Variants in FHIP1B observed in about 807,000 individuals in gnomAD.
FHIP1B encodes the protein FHF complex subunit HOOK interacting protein 1B, also known as FHF complex subunit HOOK-interacting protein 1B.
A neutral mutation model predicts 82.2 loss-of-function variants in FHIP1B; 28 were observed. That is an observed-to-expected ratio of 0.34 (90% CI 0.25 to 0.47). The LOEUF (loss-of-function observed/expected upper bound fraction) is 0.47. Among genes scored for constraint, FHIP1B ranks in the 20% least tolerant of loss-of-function variants. The pLI is 1.00. For missense variants in FHIP1B, 1,110 were observed against 1,262.6 expected, an observed-to-expected ratio of 0.88 and a Z score of 1.83; for synonymous variants, 585 against 516.1, an observed-to-expected ratio of 1.13 and a Z score of -1.81.
chr11:6,218,856 G>C (rs1842355914), intron 7 of FHIP1B, 93 bp from the exon 8 acceptor site: 1 of 1,568,548 alleles, frequency 6.4e-7, no homozygotes, highest in South Asian at 1.1e-5. Context: ...GCATGGTTAA[G>C]CCAGGCTCCA....
rs1184584830 is a variant in FHIP1B, at chr11:6,217,576, T to C, written c.2010A>G (p.Gly670=). The C allele has an allele frequency of 6.2e-7, 1 of 1,612,196 alleles. No homozygotes were observed. Among genetic ancestry groups the C allele is most frequent in the Non-Finnish European group, 8.5e-7 (1 of 1,179,036 alleles). Residue 670 remains glycine, a synonymous_variant, in exon 9 of 12, where the codon GGA becomes GGG. Coordinates refer to ENST00000449352, the MANE Select transcript of FHIP1B (RefSeq NM_001098794.2). ...LLEGISEGMA[G]LEGFGQELRE... is the part of the protein sequence containing the mutation. ...GGAGCTCCTGCCCAAAGCCCTCTAG[T>C]CCTGCCATGCCCTCGGAGATGCCCT...
chr11:6,211,770 C>T lies in FHIP1B; in HGVS notation c.2655G>A (p.Gly885=), dbSNP rs201771314. Residue 885 remains glycine (G), a synonymous_variant, in exon 12 of 12, where the codon GGG becomes GGA. Transcript: ENST00000449352. ...RQAAQLVLQP[G]RDGAGLGLSG... ...TTAGGCCAAGTCCTGCTCCGTCTCG[C>T]CCAGGCTGAAGGACCAATTGTGCCG... 71 of 1,614,068 alleles carry T rather than the reference C, an allele frequency of 4.4e-5. No individual in the cohort carries two copies. The Middle Eastern group carries it at 9.9e-4, about 22-fold the overall frequency.
chr11:6,219,637 T>C (rs1847351261), intron 6 of FHIP1B, among the ~76,000 whole-genome samples: 1 of 152,110 alleles, frequency 6.6e-6, no homozygotes, highest in Non-Finnish European at 1.5e-5. Context: ...AAAAAGTAGG[T>C]GGGTCAAGAT....
intron 6 of FHIP1B, among the ~76,000 whole-genome samples, chr11:6,222,182 C>T (rs1393890429): frequency 1.3e-5 from 2 of 152,118 alleles, no homozygotes; most frequent in Non-Finnish European, 2.9e-5. Flanking sequence ...AGTAGCAAAA[C>T]CTATAGTCAT....
Position 6,211,461 on chromosome 11 carries a change from C to T in FHIP1B, c.*45G>A, listed in dbSNP as rs557522108. 1.3e-6 allele frequency: 2 copies of T among 1,526,438 alleles called. No individual in the cohort carries two copies. Among genetic ancestry groups the T allele is most frequent in the East Asian group, 4.5e-5 (2 of 44,024 alleles). The allele number at this position is 1,526,438 out of a possible 1,614,324, so 94.6% of individuals were successfully genotyped here. On this transcript the variant is annotated 3_prime_UTR_variant, in exon 12 of 12. Transcript: ENST00000449352. Reference sequence around the variant, plus strand: ...ACATAAAAAGGAGCCTGTGCCCTAGCCCCAGCCCGGGCCACCCATGGCCCT... The same window carrying T: ...ACATAAAAAGGAGCCTGTGCCCTAGTCCCAGCCCGGGCCACCCATGGCCCT...
At position 6,211,522 on chromosome 11, in the gene FHIP1B, C is replaced by A; in HGVS notation, c.2903G>T (p.Gly968Val). ...GGAAGAAAGTTAAGGATTGAGGGGC[C>A]CACAGCCTGAGATGAGAGGGCCAGA... ...EGSGPLISGC[G>V]PLNP The change falls in exon 12 of 12, where the codon GGG (glycine) becomes GTG (valine). Residue 968 changes from glycine to valine, a missense_variant. Physicochemically the swap from Gly to Val is moderately radical, Grantham distance 109. Transcript: ENST00000449352. The A allele has an allele frequency of 6.2e-7, 1 of 1,601,958 alleles. No individual in the cohort carries two copies. The highest frequency in any genetic ancestry group is 8.5e-7 in the Non-Finnish European group (1 of 1,174,830).
intron 9 of FHIP1B, among the ~76,000 whole-genome samples, chr11:6,215,554 A>G (rs573583816): frequency 6.6e-6 from 1 of 152,256 alleles, no homozygotes; most frequent in African/African-American, 2.4e-5. Context: ...ATTTAAAGTT[A>G]GGGAAAAAAA....
chr11:6,227,504 A>G (rs536523307), intron 1 of FHIP1B, among the ~76,000 whole-genome samples: 2 of 152,240 alleles, frequency 1.3e-5, no homozygotes, highest in Non-Finnish European at 2.9e-5. Flanking sequence ...CTAGAAACAC[A>G]TAAGAAGGGG....
chr11:6,234,265 G>T (rs927974993), intron 1 of FHIP1B, among the ~76,000 whole-genome samples: 1 of 151,748 alleles, frequency 6.6e-6, no homozygotes, highest in African/African-American at 2.4e-5. Flanking sequence ...CTAGTCCCAG[G>T]GTATCCTTCA....
chr11:6,220,522 T>G (rs961328399), intron 6 of FHIP1B, among the ~76,000 whole-genome samples: 4 of 152,158 alleles, frequency 2.6e-5, no homozygotes, highest in Non-Finnish European at 5.9e-5. Flanking sequence ...AATTAGTCAC[T>G]TCAAGGCACA....
intron 8 of FHIP1B, 59 bp downstream of exon 8, chr11:6,218,541 C>T (rs1421202003): frequency 3.7e-6 from 6 of 1,607,256 alleles, no homozygotes; most frequent in Non-Finnish European, 4.3e-6. Context: ...TACGCTCCCC[C>T]AGAACCTAGG....
In FHIP1B at chr11:6,215,063, C is replaced by T. The variant is rs1847188504; in HGVS notation, c.2216-152G>A. 7 of 686,930 alleles carry T rather than the reference C, an allele frequency of 1.0e-5. No homozygotes were observed. In the East Asian group the frequency reaches 2.2e-4, roughly 22 times the overall value. 42.6% of individuals were successfully genotyped at this position (686,930 alleles called of 1,614,324 possible). ...TTTAAATATCCCGTGGCCACCTATT[C>T]TGGAGGAAATAAGATGGCAGACACC... On this transcript the variant is annotated intron_variant, in intron 9 of 11. Coordinates refer to ENST00000449352, the MANE Select transcript of FHIP1B (RefSeq NM_001098794.2).
At position 6,223,623 on chromosome 11, in the gene FHIP1B, G is replaced by A. The variant is rs1361054347; in HGVS notation, c.764C>T (p.Ser255Phe). Reference sequence around the variant, plus strand: ...GGGGGTGCTAACCGGGCAGAAGTAAGAGTGATCCGCGATGTAGCGGCCCAC... The same window carrying A: ...GGGGGTGCTAACCGGGCAGAAGTAAAAGTGATCCGCGATGTAGCGGCCCAC... ...PTVGRYIADH[S>F]YFCPVLATGL... Residue 255 changes from serine to phenylalanine, a missense_variant, in exon 3 of 12, where the codon TCT becomes TTT. Coordinates refer to ENST00000449352, the MANE Select transcript of FHIP1B (RefSeq NM_001098794.2). The surrounding 1 kb of genome is among the most constrained non-coding windows in gnomAD (Gnocchi z 4.8). 3 of 1,593,774 alleles carry A rather than the reference G, an allele frequency of 1.9e-6. No individual in the cohort carries two copies. The highest frequency in any genetic ancestry group is 2.6e-6 in the Non-Finnish European group (3 of 1,169,058).
chr11:6,214,034 G>GGAAAA (rs1295403364), intron 11 of FHIP1B, among the ~76,000 whole-genome samples: 6 of 36,610 alleles, frequency 1.6e-4, no homozygotes, highest in Non-Finnish European at 3.0e-4. Context: ...GACCTCTCCT[G>GGAAAA]AAAAAAAAAA....
chr11:6,211,918 T>C (rs1357434017), intron 11 of FHIP1B, 51 bp from the exon 12 acceptor site: 3 of 1,495,044 alleles, frequency 2.0e-6, no homozygotes, highest in Non-Finnish European at 2.7e-6. Context: ...GGAACCTCCC[T>C]TGGACTGAGA....
In FHIP1B at chr11:6,234,087, T is replaced by C. The variant is rs574596633; in HGVS notation, c.-192+457A>G. 9.2e-5 allele frequency among the ~76,000 whole-genome samples: 14 copies of C among 152,216 alleles called. No individual in the cohort carries two copies. In the South Asian group the frequency reaches 2.7e-3, roughly 29 times the overall value. On this transcript the variant is annotated intron_variant, in intron 1 of 11. Transcript: ENST00000449352. ...TGCTCTCACTGGACAGGGCAGTCCATCGAAGGAGGCCTCAGAACCAACCTC... is the reference window on the plus strand; with the variant it reads ...TGCTCTCACTGGACAGGGCAGTCCACCGAAGGAGGCCTCAGAACCAACCTC...
chr11:6,214,577 T>C lies in FHIP1B; in HGVS notation c.2395-4A>G, dbSNP rs377292028. On this transcript the variant is annotated splice_region_variant and splice_polypyrimidine_tract_variant and intron_variant, in intron 10 of 11. Coordinates refer to ENST00000449352, the MANE Select transcript of FHIP1B (RefSeq NM_001098794.2). ...TATTCTTCACAGAGCCCAGCACCTA[T>C]GAAGCACACCTTCGTGACATTTCTG... is the stretch of plus-strand genomic sequence containing the variant. 6 of 1,609,528 alleles carry C rather than the reference T, an allele frequency of 3.7e-6. No individual in the cohort carries two copies. Among genetic ancestry groups the C allele is most frequent in the East Asian group, 4.5e-5 (2 of 44,860 alleles).
intron 1 of FHIP1B, among the ~76,000 whole-genome samples, chr11:6,230,213 G>C (rs555096314): frequency 7.2e-5 from 11 of 152,290 alleles, no homozygotes; most frequent in African/African-American, 2.4e-4. Flanking sequence ...TTTGCCCTGG[G>C]AGAGGCAAAG....
intron 8 of FHIP1B, 161 bp downstream of exon 8, chr11:6,218,439 G>A: frequency 8.8e-7 from 1 of 1,134,226 alleles, no homozygotes; most frequent in Non-Finnish European, 1.3e-6. Context: ...GAGTGTTAAG[G>A]GTCCTCCCTG....
Sources: allele counts gnomAD v4.1 joint callset (sites outside exome capture counted in the v4.1 genomes callset), GRCh38; gene constraint gnomAD v4.1.1; non-coding constraint Gnocchi (gnomAD v3.1); transcripts MANE v1.5; gene names NCBI Gene and HGNC (gene_info 2026-07-23, HGNC 2026-07-21).